FOXO3: variants seen among roughly 807,000 people sequenced by gnomAD.
FOXO3 encodes the protein forkhead box protein O3.
In FOXO3, 4 loss-of-function variants were observed where a neutral mutation model predicts 41.9. The ratio of observed to expected loss-of-function variants is 0.10; its 90% CI spans 0.05 to 0.22. The LOEUF (loss-of-function observed/expected upper bound fraction) is 0.22. FOXO3 is among the 10% of genes least tolerant of loss of function. FOXO3 has a pLI of 1.00. For missense variants in FOXO3, 534 were observed against 906.8 expected, an observed-to-expected ratio of 0.59 and a Z score of 5.28; for synonymous variants, 318 against 389.3, an observed-to-expected ratio of 0.82 and a Z score of 2.16.
chr6:108,574,483 GA>G (rs922796793), intron 1 of FOXO3, among the ~76,000 whole-genome samples: 16 of 150,312 alleles, frequency 1.1e-4, no homozygotes, highest in African/African-American at 2.9e-4. Context: ...CAGATTTCAG[GA>G]AAAAAAAACA....
At chr6:108,635,640 T>G (rs890411720) in intron 1 of FOXO3, among the ~76,000 whole-genome samples, 21 of 152,186 alleles carry the variant, frequency 1.4e-4, no homozygotes, top group African/African-American at 5.1e-4. Context: ...CTTGCCTTTC[T>G]GCTAGAGAGG....
chr6:108,646,458 C>G (rs1328857662), intron 1 of FOXO3, among the ~76,000 whole-genome samples: 2 of 152,148 alleles, frequency 1.3e-5, no homozygotes, highest in African/African-American at 2.4e-5. Context: ...ACACTTTCAC[C>G]AACCAATCCA....
At chr6:108,637,441 A>C (rs114731466) in intron 1 of FOXO3, among the ~76,000 whole-genome samples, 1,576 of 152,140 alleles carry the variant, frequency 0.01, 29 homozygotes, top group African/African-American at 0.036. Flanking sequence ...CCCCCAGAAT[A>C]CTGGGGGGCA....
At position 108,633,396 on chromosome 6, in the gene FOXO3, A is replaced by T. The variant is rs980617901; in HGVS notation, c.622-30059A>T. Among the ~76,000 whole-genome samples the T allele has an allele frequency of 9.3e-5, 14 of 151,332 alleles. 1 individual carries two copies. The highest frequency in any genetic ancestry group is 3.4e-3 in the Middle Eastern group (1 of 290). The stretch of plus-strand genomic sequence containing the variant: ...AAGGATTTGTCTTATCTGCTGATTT[A>T]AAAAAAAAGATTTTATGTTTATTAT... On this transcript the variant is annotated intron_variant, in intron 1 of 2. Transcript: ENST00000406360.
chr6:108,605,256 C>G (rs1045242900), intron 1 of FOXO3, among the ~76,000 whole-genome samples: 4 of 152,108 alleles, frequency 2.6e-5, no homozygotes, highest in African/African-American at 9.7e-5. Flanking sequence ...GTAACTGGAA[C>G]TACAGACGCC....
chr6:108,639,694 C>T (rs760398206), intron 1 of FOXO3: 63 of 315,842 alleles, frequency 2.0e-4, no homozygotes, highest in Non-Finnish European at 2.4e-4. Flanking sequence ...CAACTACTTA[C>T]GCACCTTCCT....
intron 1 of FOXO3, among the ~76,000 whole-genome samples, chr6:108,626,166 T>A (rs1385239521): frequency 6.6e-6 from 1 of 152,202 alleles, no homozygotes; most frequent in Non-Finnish European, 1.5e-5. Flanking sequence ...ATTTTAATGT[T>A]TTGGTACTGG....
intron 1 of FOXO3, among the ~76,000 whole-genome samples, chr6:108,613,952 C>T (rs1208915753): frequency 1.3e-5 from 2 of 152,090 alleles, no homozygotes; most frequent in African/African-American, 4.8e-5. Flanking sequence ...TCTATTTTAC[C>T]TGTAATTACT....
At chr6:108,637,312 C>T (rs1410108516) in intron 1 of FOXO3, among the ~76,000 whole-genome samples, 2 of 152,068 alleles carry the variant, frequency 1.3e-5, no homozygotes, top group African/African-American at 2.4e-5. Context: ...CTGCTGGGTT[C>T]GGTGACACAA....
At chr6:108,619,667 T>C (rs1373782109) in intron 1 of FOXO3, among the ~76,000 whole-genome samples, 2 of 152,224 alleles carry the variant, frequency 1.3e-5, no homozygotes, top group Non-Finnish European at 2.9e-5. Flanking sequence ...TATTTTTTAA[T>C]TACTAAAAAT....
chr6:108,597,278 C>A (rs536923294), intron 1 of FOXO3, among the ~76,000 whole-genome samples: 1 of 152,242 alleles, frequency 6.6e-6, no homozygotes, highest in South Asian at 2.1e-4. Context: ...ACAGTGTCAC[C>A]CCAGAGATTT....
chr6:108,634,551 T>C lies in FOXO3; in HGVS notation c.622-28904T>C, dbSNP rs550449587. 3.3e-5 allele frequency among the ~76,000 whole-genome samples: 5 copies of C among 152,304 alleles called. No homozygotes were observed. The South Asian group carries it at 1.0e-3, about 32-fold the overall frequency. ...AATATCTAGGGTGCTTGAGGTTGTG[T>C]ACTTGGGTCCTTCCTTCCCCCTTCT... On this transcript the variant is annotated intron_variant, in intron 1 of 2. Coordinates refer to ENST00000406360, the MANE Select transcript of FOXO3 (RefSeq NM_001455.4).
chr6:108,639,701 TC>T, intron 1 of FOXO3: 1 of 282,998 alleles, frequency 3.5e-6, no homozygotes. Flanking sequence ...TTACGCACCT[TC>T]CTTTTCTATT....
chr6:108,646,069 A>G (rs2128380934), intron 1 of FOXO3, among the ~76,000 whole-genome samples: 1 of 152,276 alleles, frequency 6.6e-6, no homozygotes, highest in South Asian at 2.1e-4. Context: ...GACTCCTCTT[A>G]TTCTCTGCCC....
intron 1 of FOXO3, among the ~76,000 whole-genome samples, chr6:108,614,932 T>G (rs1777452544): frequency 6.6e-6 from 1 of 152,094 alleles, no homozygotes; most frequent in Admixed American, 6.5e-5. Context: ...TAGGTACATC[T>G]CTTTGTTATT....
At position 108,681,227 on chromosome 6, in the gene FOXO3, T is replaced by A. The variant is rs1168738348; in HGVS notation, c.*1435T>A. 2.0e-5 allele frequency: 3 copies of A among 152,680 alleles called. No individual in the cohort carries two copies. Among genetic ancestry groups the A allele is most frequent in the Non-Finnish European group, 4.4e-5 (3 of 68,054 alleles). The allele number at this position is 152,680 out of a possible 1,614,324, so 9.5% of individuals were successfully genotyped here. On this transcript the variant is annotated 3_prime_UTR_variant, in exon 3 of 3. Coordinates refer to ENST00000406360, the MANE Select transcript of FOXO3 (RefSeq NM_001455.4). ...AGAAATTGGTATAACGATGCTCTGA[T>A]TAGCACAGTATATGCATACTTCTCC...
rs1407599416 is a variant in FOXO3 at position 108,680,975 on chromosome 6, A to G, written c.*1183A>G. On this transcript the variant is annotated 3_prime_UTR_variant, in exon 3 of 3. Coordinates refer to ENST00000406360, the MANE Select transcript of FOXO3 (RefSeq NM_001455.4). ...GTATGAGTGAGAGGCAATAGCATAC[A>G]AACTGATTTTTTAAATATAAGCTTA... is the stretch of plus-strand genomic sequence containing the variant. The G allele has an allele frequency of 4.6e-5, 7 of 152,678 alleles. No homozygotes were observed. Among genetic ancestry groups the G allele is most frequent in the Non-Finnish European group, 8.8e-5 (6 of 68,052 alleles). 9.5% of individuals were successfully genotyped at this position (152,678 alleles called of 1,614,324 possible). A position where few individuals can be genotyped will look rare whatever the true frequency, so the allele number is the denominator to read the frequency against.
chr6:108,561,950 C>T (rs999435945), intron 1 of FOXO3, 121 bp downstream of exon 1: 16 of 1,382,552 alleles, frequency 1.2e-5, no homozygotes, highest in Middle Eastern at 2.6e-4. Context: ...CAGGGGGAGC[C>T]TCCGCTGCGA....
intron 2 of FOXO3, among the ~76,000 whole-genome samples, chr6:108,670,381 G>T (rs1378245283): frequency 6.6e-6 from 1 of 151,722 alleles, no homozygotes; most frequent in Non-Finnish European, 1.5e-5. Context: ...AATTTAAAAT[G>T]TGTTTTGCAA....
Sources: gnomAD v4.1 joint callset for allele counts (sites outside exome capture counted in the v4.1 genomes callset) on GRCh38, gnomAD v4.1.1 for gene constraint, MANE v1.5 for transcripts, NCBI Gene and HGNC (gene_info 2026-07-23, HGNC 2026-07-21) for gene names.